Variants in PSD3 observed in about 807,000 individuals in gnomAD.
The protein encoded by PSD3 is pleckstrin and Sec7 domain containing 3, also known as PH and SEC7 domain-containing protein 3.
Under a neutral mutation model 105.5 loss-of-function variants are expected in PSD3, and 49 were observed. The ratio of observed to expected loss-of-function variants is 0.46; its 90% CI spans 0.37 to 0.59. The LOEUF (loss-of-function observed/expected upper bound fraction) is 0.59. PSD3 is among the 20% of genes least tolerant of loss of function. The pLI is 0.00. For synonymous variants in PSD3, 557 were observed against 457.8 expected (o/e 1.22, Z -2.77); for missense variants, 1,561 against 1,263.8 (o/e 1.24, Z -3.57).
intron 4 of PSD3, among the ~76,000 whole-genome samples, chr8:18,846,033 T>C (rs1046876497): frequency 6.6e-6 from 1 of 152,168 alleles, no homozygotes; most frequent in African/African-American, 2.4e-5. Flanking sequence ...TGGTATTCTT[T>C]GTAGAGATGG....
chr8:18,917,313 C>G (rs556646281), intron 2 of PSD3, among the ~76,000 whole-genome samples: 3 of 152,304 alleles, frequency 2.0e-5, no homozygotes, highest in African/African-American at 7.2e-5. Flanking sequence ...ACTGATAGAA[C>G]CCCTCCATTT....
intron 1 of PSD3, among the ~76,000 whole-genome samples, chr8:18,942,867 G>C (rs551549869): frequency 1.2e-4 from 19 of 152,270 alleles, no homozygotes; most frequent in Middle Eastern, 3.4e-3. Flanking sequence ...ACAGATTAGA[G>C]GGCAAAAGGA....
At position 18,804,509 on chromosome 8, in the gene PSD3, G is replaced by T; in HGVS notation, c.1910+13C>A. On this transcript the variant is annotated intron_variant, in intron 6 of 15. Coordinates refer to ENST00000327040, the MANE Select transcript of PSD3 (RefSeq NM_015310.4). ...TGAAAGCAATGACGAGCAGCAAGGA[G>T]GCTTAGTCATACCTGAGTGACTGAT... 6.3e-7 allele frequency: 1 copy of T among 1,581,872 alleles called. No individual in the cohort carries two copies.
At chr8:18,962,780 A>G (rs990278411) in intron 1 of PSD3, among the ~76,000 whole-genome samples, 1 of 152,204 alleles carries the variant, frequency 6.6e-6, no homozygotes, top group Non-Finnish European at 1.5e-5. Context: ...TGGGCTAACA[A>G]CTTTATCTTG....
intron 15 of PSD3, among the ~76,000 whole-genome samples, chr8:18,548,018 T>A (rs1800549620): frequency 6.6e-6 from 1 of 152,194 alleles, no homozygotes; most frequent in Non-Finnish European, 1.5e-5. Context: ...TTTTCCCCCA[T>A]CTGATTAGGT....
At chr8:19,047,344 G>A (rs1828356182) in intron 1 of PSD3, among the ~76,000 whole-genome samples, 1 of 152,156 alleles carries the variant, frequency 6.6e-6, no homozygotes, top group Admixed American at 6.5e-5. Context: ...GCAAGTAAAG[G>A]ATTCAGAATC....
rs143624247 is a variant in PSD3 at position 18,534,203 on chromosome 8, T to C, written c.*1540A>G. The C allele has an allele frequency of 1.4e-3, 213 of 152,668 alleles. 1 individual carries two copies. Among genetic ancestry groups the C allele is most frequent in the African/African-American group, 4.9e-3 (203 of 41,562 alleles). 9.5% of individuals were successfully genotyped at this position (152,668 alleles called of 1,614,324 possible). A position where few individuals can be genotyped will look rare whatever the true frequency, so the allele number is the denominator to read the frequency against. On this transcript the variant is annotated 3_prime_UTR_variant, in exon 16 of 16. Transcript: ENST00000327040. ...CATAGTACCTTCAACAAATAAACTA[T>C]AGAACTAGAGAAACTTTCTAAGGGA...
chr8:19,075,596 G>C (rs547371850), intron 1 of PSD3, among the ~76,000 whole-genome samples: 10 of 152,278 alleles, frequency 6.6e-5, no homozygotes, highest in Admixed American at 3.3e-4. Flanking sequence ...GGCCCCTGAA[G>C]TGCATCTCTA....
intron 8 of PSD3, among the ~76,000 whole-genome samples, chr8:18,790,235 G>A (rs1002523128): frequency 6.6e-6 from 1 of 151,192 alleles, no homozygotes; most frequent in Non-Finnish European, 1.5e-5. Flanking sequence ...CAATATGATA[G>A]TAAATTATAT....
chr8:18,577,447 G>C (rs947882511), intron 12 of PSD3, among the ~76,000 whole-genome samples: 1 of 151,790 alleles, frequency 6.6e-6, no homozygotes, highest in African/African-American at 2.4e-5. Flanking sequence ...TTTTCTACTA[G>C]TTTATCCCCT....
intron 12 of PSD3, among the ~76,000 whole-genome samples, chr8:18,583,589 T>C (rs1284508715): frequency 2.0e-5 from 3 of 152,186 alleles, no homozygotes; most frequent in Admixed American, 6.5e-5. Context: ...GTATCACATC[T>C]AAGTATCCAT....
At chr8:18,548,219 G>C (rs1288930524) in intron 15 of PSD3, among the ~76,000 whole-genome samples, 1 of 151,982 alleles carries the variant, frequency 6.6e-6, no homozygotes, top group Non-Finnish European at 1.5e-5. Flanking sequence ...TTTCATTGAG[G>C]AATCAATGAA....
At chr8:18,796,171 C>A (rs895345814) in intron 8 of PSD3, among the ~76,000 whole-genome samples, 1 of 71,606 alleles carries the variant, frequency 1.4e-5, no homozygotes, top group East Asian at 2.2e-4. Flanking sequence ...GAATTCTCCC[C>A]CCAAATATTG....
intron 12 of PSD3, among the ~76,000 whole-genome samples, chr8:18,592,371 C>A (rs550665147): frequency 2.8e-4 from 42 of 152,104 alleles, no homozygotes; most frequent in African/African-American, 9.9e-4. Flanking sequence ...GTTAAGAGAG[C>A]CTTATACACA....
At chr8:18,894,454 C>T (rs945943755) in intron 2 of PSD3, among the ~76,000 whole-genome samples, 5 of 152,048 alleles carry the variant, frequency 3.3e-5, no homozygotes, top group Admixed American at 6.6e-5. Flanking sequence ...CTCACAGTTC[C>T]GTTGTGTGAG....
chr8:18,936,210 T>A, intron 1 of PSD3, 68 bp from the exon 2 acceptor site: 2 of 1,002,998 alleles, frequency 2.0e-6, no homozygotes, highest in Non-Finnish European at 3.1e-6. Flanking sequence ...ATAAAACAAA[T>A]TATCCAACAT....
chr8:18,629,320 T>A (rs964245660), intron 11 of PSD3, among the ~76,000 whole-genome samples: 14 of 151,982 alleles, frequency 9.2e-5, no homozygotes, highest in Admixed American at 2.0e-4. Flanking sequence ...ATATTTAGCA[T>A]ATGGTGAAGC....
At chr8:18,779,453 C>G (rs1808404947) in intron 8 of PSD3, among the ~76,000 whole-genome samples, 1 of 148,816 alleles carries the variant, frequency 6.7e-6, no homozygotes, top group Non-Finnish European at 1.5e-5. Context: ...TAATTTAGTT[C>G]TGCTCTGACT....
chr8:18,675,835 C>T (rs926379805), intron 9 of PSD3, among the ~76,000 whole-genome samples: 1 of 152,150 alleles, frequency 6.6e-6, no homozygotes, highest in Non-Finnish European at 1.5e-5. Context: ...CCATCTTGCA[C>T]AGCTACTCTT....
Sources: gnomAD v4.1 joint callset for allele counts (sites outside exome capture counted in the v4.1 genomes callset) on GRCh38, gnomAD v4.1.1 for gene constraint, MANE v1.5 for transcripts, NCBI Gene and HGNC (gene_info 2026-07-23, HGNC 2026-07-21) for gene names.